Variants in ESR1 observed in about 807,000 individuals in gnomAD.
The protein encoded by ESR1 is estrogen receptor 1.
ESR1 carries 12 observed loss-of-function variants against 52.7 expected under a neutral mutation model. The observed-to-expected ratio is 0.23, with a 90% CI of 0.15 to 0.37. The LOEUF (loss-of-function observed/expected upper bound fraction) is 0.37, where lower values mean the gene tolerates loss of function less well. Among genes scored for constraint, ESR1 ranks in the 10% least tolerant of loss-of-function variants. The pLI is 1.00. For missense variants in ESR1, 584 were observed against 779.7 expected (o/e 0.75, Z 2.99); for synonymous variants, 305 against 316.8 (o/e 0.96, Z 0.39).
chr6:151,952,183 T>C (rs2036402992), intron 4 of ESR1, among the ~76,000 whole-genome samples: 1 of 152,216 alleles, frequency 6.6e-6, no homozygotes, highest in African/African-American at 2.4e-5. Flanking sequence ...AGGACTTTAT[T>C]ATCTAGCTTA....
chr6:152,127,347 G>A (rs1025526980), exon 7 of ESR1: 1 of 152,120 alleles, frequency 6.6e-6, no homozygotes, highest in Non-Finnish European at 1.5e-5. Flanking sequence ...ATTCTTGTGA[G>A]GGTTAAATGA....
intron 3 of ESR1, among the ~76,000 whole-genome samples, chr6:151,896,952 G>A (rs1312604782): frequency 1.3e-5 from 2 of 152,136 alleles, no homozygotes; most frequent in African/African-American, 4.8e-5. Context: ...TGATCATTCA[G>A]GAGCAGGTTA....
chr6:151,818,470 C>T (rs746097059), intron 1 of ESR1, among the ~76,000 whole-genome samples: 1 of 152,116 alleles, frequency 6.6e-6, no homozygotes, highest in Non-Finnish European at 1.5e-5. Context: ...ATCAAGAGTC[C>T]AACCCTTTTC....
Position 152,034,514 on chromosome 6 carries a change from G to T in ESR1, c.1235+22720G>T, listed in dbSNP as rs1562702786. Among the ~76,000 whole-genome samples the T allele has an allele frequency of 2.6e-5, 4 of 151,806 alleles. No homozygotes were observed. In the East Asian group the frequency reaches 5.8e-4, roughly 22 times the overall value. On this transcript the variant is annotated intron_variant, in intron 5 of 7. Coordinates refer to ENST00000206249, the MANE Select transcript of ESR1 (RefSeq NM_000125.4). ...GTCTGCTGTGTGTCCTTATAATTAAGTCTATGTTCTGAATGTTTTTCCTTT... is the reference window on the plus strand; with the variant it reads ...GTCTGCTGTGTGTCCTTATAATTAATTCTATGTTCTGAATGTTTTTCCTTT...
At chr6:151,885,994 A>G (rs1455456834) in intron 3 of ESR1, among the ~76,000 whole-genome samples, 2 of 152,180 alleles carry the variant, frequency 1.3e-5, no homozygotes, top group Non-Finnish European at 2.9e-5. Flanking sequence ...TTGTCTTAAA[A>G]ATAATTACTA....
chr6:151,726,277 A>G (rs1174584728), intron 2 of ESR1, among the ~76,000 whole-genome samples: 2 of 151,928 alleles, frequency 1.3e-5, no homozygotes, highest in Non-Finnish European at 2.9e-5. Context: ...AGACTTGCAC[A>G]TCTTTCGTTA....
intron 7 of ESR1, among the ~76,000 whole-genome samples, chr6:152,096,214 G>A (rs967805575): frequency 1.1e-4 from 16 of 152,136 alleles, no homozygotes; most frequent in African/African-American, 3.9e-4. Context: ...GGTACTCATG[G>A]GTGATGAAGC....
chr6:151,877,885 C>G (rs577827002), intron 2 of ESR1, among the ~76,000 whole-genome samples: 1 of 152,164 alleles, frequency 6.6e-6, no homozygotes, highest in East Asian at 1.9e-4. Flanking sequence ...TCACAGCTCA[C>G]TGCAGCCTTG....
chr6:152,093,354 T>TCTCTC (rs1562779234), intron 6 of ESR1, among the ~76,000 whole-genome samples: 1 of 84,358 alleles, frequency 1.2e-5, no homozygotes, highest in African/African-American at 5.0e-5. Flanking sequence ...CTCTCTCTCT[T>TCTCTC]TCTCTCTCTC....
chr6:152,103,701 G>C (rs541308231), downstream of ESR1, among the ~76,000 whole-genome samples: 49 of 152,292 alleles, frequency 3.2e-4, no homozygotes, highest in African/African-American at 1.1e-3. Flanking sequence ...ATTTATGAAT[G>C]AATGAGTGAA....
At chr6:151,887,580 C>T (rs918762601) in intron 3 of ESR1, among the ~76,000 whole-genome samples, 2 of 152,004 alleles carry the variant, frequency 1.3e-5, no homozygotes, top group African/African-American at 4.8e-5. Flanking sequence ...TCATGAGAAA[C>T]CTTCTTAGAA....
chr6:152,079,087 G>T (rs565343212), intron 6 of ESR1, among the ~76,000 whole-genome samples: 1 of 152,194 alleles, frequency 6.6e-6, no homozygotes, highest in African/African-American at 2.4e-5. Context: ...GACAGCTTCC[G>T]CAGACTTAAA....
chr6:151,889,968 CT>C (rs531375854), intron 3 of ESR1, among the ~76,000 whole-genome samples: 120 of 151,772 alleles, frequency 7.9e-4, no homozygotes, highest in African/African-American at 2.5e-3. Flanking sequence ...CAAAATTATT[CT>C]TGTTGATTTA....
Position 151,754,435 on chromosome 6 carries a change from T to G in ESR1, c.-71+52430T>G, listed in dbSNP as rs146461772. Among the ~76,000 whole-genome samples, 450 of 152,162 alleles carry G rather than the reference T, an allele frequency of 3.0e-3. 1 individual carries two copies. The highest frequency in any genetic ancestry group is 9.9e-3 in the African/African-American group (413 of 41,532). ...AAAGGACAATCGGAAATGATAAGAATTTTTTCCTAATTTCTAATTATTTAG... is the reference window on the plus strand; with the variant it reads ...AAAGGACAATCGGAAATGATAAGAAGTTTTTCCTAATTTCTAATTATTTAG... On this transcript the variant is annotated intron_variant, in intron 2 of 2. Coordinates refer to the ESR1 transcript ENST00000404742.
intron 2 of ESR1, among the ~76,000 whole-genome samples, chr6:151,860,350 A>G (rs776592064): frequency 2.0e-5 from 3 of 152,090 alleles, no homozygotes; most frequent in Non-Finnish European, 4.4e-5. Flanking sequence ...CATGTTGTAC[A>G]TTAGATTTCT....
intron 1 of ESR1, among the ~76,000 whole-genome samples, chr6:151,657,754 A>G (rs1018377290): frequency 6.6e-6 from 1 of 152,214 alleles, no homozygotes; most frequent in African/African-American, 2.4e-5. Flanking sequence ...TTCAATATGT[A>G]TCCAGCTTTC....
chr6:151,902,038 A>G (rs1039145413), intron 3 of ESR1, among the ~76,000 whole-genome samples: 3 of 152,190 alleles, frequency 2.0e-5, no homozygotes, highest in Admixed American at 2.0e-4. Flanking sequence ...ATTTTACATA[A>G]CAAATGCCAA....
chr6:151,936,889 CAAG>C (rs1348882885), intron 3 of ESR1, among the ~76,000 whole-genome samples: 1 of 152,032 alleles, frequency 6.6e-6, no homozygotes, highest in Non-Finnish European at 1.5e-5. Flanking sequence ...AGAAAAACTA[CAAG>C]AACAGAGGAG....
Position 151,826,587 on chromosome 6 carries a change from T to C in ESR1, c.453-16010T>C, listed in dbSNP as rs113825076. Among the ~76,000 whole-genome samples the C allele has an allele frequency of 4.7e-4, 71 of 152,342 alleles. 1 individual carries two copies. The highest frequency in any genetic ancestry group is 1.6e-3 in the African/African-American group (65 of 41,576). On this transcript the variant is annotated intron_variant, in intron 1 of 7. Transcript: ENST00000206249. ...AGGCACCACATGGGATCCTTGTTCT[T>C]CCTCCTTGTAAGCAGTAATTGAAAT...
Sources: gnomAD v4.1 joint callset for allele counts (sites outside exome capture counted in the v4.1 genomes callset) on GRCh38, gnomAD v4.1.1 for gene constraint, MANE v1.5 for transcripts, NCBI Gene and HGNC (gene_info 2026-07-23, HGNC 2026-07-21) for gene names.